The following ELMO1 variants were observed in gnomAD, a reference collection of about 807,000 sequenced individuals.
The protein encoded by ELMO1 is engulfment and cell motility 1.
In ELMO1, 26 loss-of-function variants were observed where a neutral mutation model predicts 98.9. The ratio of observed to expected loss-of-function variants is 0.26; its 90% CI spans 0.19 to 0.36. The LOEUF is 0.36. Among genes scored for constraint, ELMO1 ranks in the 10% least tolerant of loss-of-function variants. The probability of loss-of-function intolerance (pLI) is 1.00; values close to 1 mark genes in which losing one functional copy is unlikely to be tolerated. For synonymous variants in ELMO1, 346 were observed against 346.0 expected, an observed-to-expected ratio of 1.00 and a Z score of 0.00; for missense variants, 627 against 935.2, an observed-to-expected ratio of 0.67 and a Z score of 4.30.
chr7:36,972,595 T>C (rs143488346), intron 16 of ELMO1, among the ~76,000 whole-genome samples: 1 of 152,292 alleles, frequency 6.6e-6, no homozygotes, highest in East Asian at 1.9e-4. Flanking sequence ...TTACATCATC[T>C]TCCTTCTATG....
At chr7:37,077,249 G>C (rs1476546472) in intron 15 of ELMO1, among the ~76,000 whole-genome samples, 2 of 152,346 alleles carry the variant, frequency 1.3e-5, no homozygotes, top group South Asian at 4.1e-4. Flanking sequence ...CCTCAACAGG[G>C]CGAAGGGCAG....
chr7:36,960,060 T>G (rs1271161489), intron 16 of ELMO1, among the ~76,000 whole-genome samples: 2 of 152,128 alleles, frequency 1.3e-5, no homozygotes, highest in Non-Finnish European at 2.9e-5. Flanking sequence ...TGTCCATTGG[T>G]CTCCCCTAAA....
At chr7:37,073,958 G>A (rs1316413350) in intron 15 of ELMO1, among the ~76,000 whole-genome samples, 1 of 150,994 alleles carries the variant, frequency 6.6e-6, no homozygotes, top group South Asian at 2.1e-4. Flanking sequence ...CAGATTTTGT[G>A]TGATATTTTA....
At chr7:37,266,348 T>C (rs1471347785) in intron 5 of ELMO1, among the ~76,000 whole-genome samples, 1 of 152,216 alleles carries the variant, frequency 6.6e-6, no homozygotes, top group Non-Finnish European at 1.5e-5. Flanking sequence ...CTATTTTTCT[T>C]ATTGCCAGAG....
At chr7:37,178,965 G>A (rs191134449) in intron 13 of ELMO1, among the ~76,000 whole-genome samples, 111 of 152,264 alleles carry the variant, frequency 7.3e-4, no homozygotes, top group African/African-American at 2.6e-3. Flanking sequence ...GAAAAACCTG[G>A]TGAAATCCTA....
intron 1 of ELMO1, chr7:37,393,919 TA>T (rs1803183795): frequency 1.3e-5 from 2 of 152,208 alleles, no homozygotes; most frequent in Admixed American, 1.3e-4. Context: ...CTCTGCCCCC[TA>T]GATGGGATAA....
intron 6 of ELMO1, among the ~76,000 whole-genome samples, chr7:37,245,445 A>G (rs1794954034): frequency 6.6e-6 from 1 of 152,230 alleles, no homozygotes; most frequent in African/African-American, 2.4e-5. Flanking sequence ...CATTTCAGAA[A>G]TCCAAATCAC....
In ELMO1 at chr7:37,222,293, T is replaced by C. The variant is rs1793640259; in HGVS notation, c.780+322A>G. Among the ~76,000 whole-genome samples, 3 of 152,342 alleles carry C rather than the reference T, an allele frequency of 2.0e-5. No homozygotes were observed. In the South Asian group the frequency reaches 6.2e-4, roughly 32 times the overall value. ...AGAAGGTCGCAGGGGCTCCTAACTC[T>C]GCTTCCACCACAGCAGCGTTTTCAT... On this transcript the variant is annotated intron_variant, in intron 10 of 21. Transcript: ENST00000310758.
chr7:37,378,540 G>A (rs1157011053), intron 1 of ELMO1, among the ~76,000 whole-genome samples: 1 of 152,030 alleles, frequency 6.6e-6, no homozygotes, highest in Non-Finnish European at 1.5e-5. Flanking sequence ...TAGAAAAAGA[G>A]GGAGATAAAA....
intron 16 of ELMO1, among the ~76,000 whole-genome samples, chr7:36,943,846 C>T (rs1353918861): frequency 6.6e-6 from 1 of 152,186 alleles, no homozygotes; most frequent in Non-Finnish European, 1.5e-5. Flanking sequence ...CCCTTCCTGG[C>T]TTTCCATGAA....
intron 15 of ELMO1, among the ~76,000 whole-genome samples, chr7:37,043,420 T>C (rs1163573448): frequency 6.6e-6 from 1 of 151,544 alleles, no homozygotes; most frequent in Non-Finnish European, 1.5e-5. Context: ...AGCAGAGGAG[T>C]GGCTGCCAGG....
intron 2 of ELMO1, among the ~76,000 whole-genome samples, chr7:37,321,716 C>CAAAAAAAAAAAAAAAAAAAAAAA (rs565421716): frequency 4.5e-5 from 3 of 66,104 alleles, no homozygotes; most frequent in African/African-American, 8.1e-5. Flanking sequence ...GACTCCGTCT[C>CAAAAAAAAAAAAAAAAAAAAAAA]AAAAAAAAAA....
Position 37,259,339 on chromosome 7 carries a change from G to C in ELMO1, c.255C>G (p.Ala85=). The C allele has an allele frequency of 1.2e-6, 2 of 1,613,898 alleles. No individual in the cohort carries two copies. The highest frequency in any genetic ancestry group is 1.7e-6 in the Non-Finnish European group (2 of 1,179,830). Residue 85 remains alanine (A), a synonymous_variant, in exon 6 of 22, where the codon GCC becomes GCG. Coordinates refer to ENST00000310758, the MANE Select transcript of ELMO1 (RefSeq NM_014800.11). ...LRLTTSPAQN[A]QQLHERIQSS... The stretch of plus-strand genomic sequence containing the variant: ...ACTGGATTCGTTCATGGAGCTGCTG[G>C]GCGTTCTGAGCCTTATGGGGCAAAA...
chr7:36,972,111 A>T (rs1008541549), intron 16 of ELMO1, among the ~76,000 whole-genome samples: 3 of 152,172 alleles, frequency 2.0e-5, no homozygotes, highest in African/African-American at 7.2e-5. Context: ...AGAGTTTTAC[A>T]TGTTATTAAT....
intron 16 of ELMO1, among the ~76,000 whole-genome samples, chr7:36,995,176 T>C (rs1792116541): frequency 6.6e-6 from 1 of 152,146 alleles, no homozygotes; most frequent in Non-Finnish European, 1.5e-5. Context: ...CCATTTTTCT[T>C]TCAAACCCAC....
chr7:36,943,298 C>G (rs563663478), intron 16 of ELMO1, among the ~76,000 whole-genome samples: 3 of 152,156 alleles, frequency 2.0e-5, no homozygotes, highest in Admixed American at 6.5e-5. Context: ...TTCTTTTATG[C>G]GTAAAAAATT....
intron 7 of ELMO1, among the ~76,000 whole-genome samples, chr7:37,242,979 G>C (rs1270960252): frequency 2.0e-5 from 3 of 152,098 alleles, no homozygotes; most frequent in African/African-American, 7.2e-5. Context: ...TGCCTGTTTT[G>C]GGTTGCTATC....
At chr7:37,110,718 G>C (rs538672673) in intron 14 of ELMO1, among the ~76,000 whole-genome samples, 128 of 152,202 alleles carry the variant, frequency 8.4e-4, no homozygotes, top group Non-Finnish European at 1.7e-3. Flanking sequence ...AAAATCCACA[G>C]TCTCCTCTGA....
chr7:37,311,255 G>A (rs186706687), intron 4 of ELMO1, among the ~76,000 whole-genome samples: 132 of 152,136 alleles, frequency 8.7e-4, no homozygotes, highest in African/African-American at 2.8e-3. Context: ...AGTGCCTTCC[G>A]GAGGATCTTA....
Sources: allele counts gnomAD v4.1 joint callset (sites outside exome capture counted in the v4.1 genomes callset), GRCh38; gene constraint gnomAD v4.1.1; transcripts MANE v1.5; gene names NCBI Gene and HGNC (gene_info 2026-07-23, HGNC 2026-07-21).